The following PCDHA12 variants were observed in gnomAD, a reference collection of about 807,000 sequenced individuals.
PCDHA12 encodes the protein protocadherin alpha-12.
PCDHA12 carries 44 observed loss-of-function variants against 60.0 expected under a neutral mutation model. The ratio of observed to expected loss-of-function variants is 0.73; its 90% CI spans 0.58 to 0.94. PCDHA12 has a LOEUF of 0.94. PCDHA12 is among the 40% of genes least tolerant of loss of function. The probability of loss-of-function intolerance (pLI) is 0.00; values close to 1 mark genes in which losing one functional copy is unlikely to be tolerated. For missense variants in PCDHA12, 1,276 were observed against 1,239.7 expected (o/e 1.03, Z -0.44); for synonymous variants, 569 against 553.0 (o/e 1.03, Z -0.40).
intron 1 of PCDHA12, among the ~76,000 whole-genome samples, chr5:140,921,954 C>A (rs970694644): frequency 2.0e-5 from 3 of 151,586 alleles, no homozygotes; most frequent in African/African-American, 7.3e-5. Context: ...TGTAAAATCC[C>A]AGAAAACCAA....
intron 1 of PCDHA12, among the ~76,000 whole-genome samples, chr5:140,907,439 A>G (rs1217956706): frequency 6.6e-6 from 1 of 152,250 alleles, no homozygotes; most frequent in Admixed American, 6.5e-5. Context: ...CTGTGAGTCC[A>G]CAGATGGTAA....
At chr5:140,949,825 C>G (rs1321892793) in intron 1 of PCDHA12, among the ~76,000 whole-genome samples, 2 of 151,748 alleles carry the variant, frequency 1.3e-5, no homozygotes, top group African/African-American at 4.8e-5. Flanking sequence ...TATTTGTCCC[C>G]TCTGATTTTG....
In PCDHA12 at chr5:140,875,953, G is replaced by T. The variant is rs782793293; in HGVS notation, c.481G>T (p.Asp161Tyr). The T allele has an allele frequency of 6.2e-7, 1 of 1,614,066 alleles. No homozygotes were observed. Among genetic ancestry groups the T allele is most frequent in the African/African-American group, 1.3e-5 (1 of 74,942 alleles). Residue 161 changes from aspartate to tyrosine, a missense_variant, in exon 1 of 4, where the codon GAT (aspartate) becomes TAT (tyrosine). Coordinates refer to ENST00000398631, the MANE Select transcript of PCDHA12 (RefSeq NM_018903.4). Reference protein sequence around the residue: ...HFPLEGASDADIGVNSLLTYA... With the variant: ...HFPLEGASDAYIGVNSLLTYA... ...TCCTCTAGAGGGCGCTTCTGATGCG[G>T]ATATCGGCGTAAACTCTCTTTTGAC...
rs1554168978 is a variant in PCDHA12, at chr5:140,876,827, C to T, written c.1355C>T (p.Ala452Val). 6.2e-7 allele frequency: 1 copy of T among 1,614,182 alleles called. No individual in the cohort carries two copies. The highest frequency in any genetic ancestry group is 1.7e-5 in the Admixed American group (1 of 60,032). Residue 452 changes from alanine (A) to valine (V), a missense_variant, in exon 1 of 4, where the codon GCG becomes GTG. Transcript: ENST00000398631. ...GAGGTGGCCGACGTGAACGACAATG[C>T]GCCTGCGTTCGCGCAGCCCGAGTAC... The part of the protein sequence containing the change: ...SVEVADVNDN[A>V]PAFAQPEYTV...
In PCDHA12 at chr5:140,876,928, A is replaced by C; in HGVS notation, c.1456A>C (p.Lys486Gln). 6.2e-7 allele frequency: 1 copy of C among 1,613,812 alleles called. No homozygotes were observed. Among genetic ancestry groups the C allele is most frequent in the Non-Finnish European group, 8.5e-7 (1 of 1,179,898 alleles). Residue 486 changes from lysine to glutamine, a missense_variant, in exon 1 of 4, where the codon AAG becomes CAG. Coordinates refer to ENST00000398631, the MANE Select transcript of PCDHA12 (RefSeq NM_018903.4). ...GTCGGCATGGGACGCGGACGCGCAGAAGAACGCGCTGGTGTCCTACTCGCT... is the reference window on the plus strand; with the variant it reads ...GTCGGCATGGGACGCGGACGCGCAGCAGAACGCGCTGGTGTCCTACTCGCT... ...TVSAWDADAQKNALVSYSLVE... is the reference protein window; with the variant it reads ...TVSAWDADAQQNALVSYSLVE...
chr5:140,881,724 A>C (rs1165848100), intron 1 of PCDHA12, among the ~76,000 whole-genome samples: 1 of 152,194 alleles, frequency 6.6e-6, no homozygotes, highest in Admixed American at 6.5e-5. Flanking sequence ...GAGGTCTTGA[A>C]AAATATTACA....
intron 1 of PCDHA12, chr5:140,926,754 C>T: frequency 1.6e-6 from 2 of 1,283,492 alleles, no homozygotes; most frequent in Non-Finnish European, 2.0e-6. Flanking sequence ...TCGGCGGTCG[C>T]TGAGTATCCA....
At chr5:140,945,440 T>C (rs932464631) in intron 1 of PCDHA12, among the ~76,000 whole-genome samples, 1 of 151,948 alleles carries the variant, frequency 6.6e-6, no homozygotes, top group African/African-American at 2.4e-5. Context: ...TACAGAAATA[T>C]AAAAAACTTC....
In PCDHA12 at chr5:140,895,583, A is replaced by C. The variant is rs545210218; in HGVS notation, c.2367+17744A>C. On this transcript the variant is annotated intron_variant, in intron 1 of 3. Coordinates refer to ENST00000398631, the MANE Select transcript of PCDHA12 (RefSeq NM_018903.4). ...ATATTCTAGATGCAATTACTTTATT[A>C]GATATATAATTTGCAAAGATTTTCT... Among the ~76,000 whole-genome samples, 15 of 152,292 alleles carry C rather than the reference A, an allele frequency of 9.8e-5. No individual in the cohort carries two copies. In the South Asian group the frequency reaches 3.1e-3, roughly 32 times the overall value.
chr5:140,885,998 A>G (rs2060805032), intron 1 of PCDHA12, among the ~76,000 whole-genome samples: 1 of 152,190 alleles, frequency 6.6e-6, no homozygotes, highest in Non-Finnish European at 1.5e-5. Context: ...GTTGAAAGAA[A>G]TAGTAAAGGG....
At chr5:140,884,410 G>A (rs1562804321) in intron 1 of PCDHA12, 1 of 1,614,004 alleles carries the variant, frequency 6.2e-7, no homozygotes, top group Non-Finnish European at 8.5e-7. Context: ...TGGTGCTCAC[G>A]TTGCTGCTGT....
Position 140,883,261 on chromosome 5 carries a change from G to A in PCDHA12, c.2367+5422G>A, listed in dbSNP as rs148578758. The A allele has an allele frequency of 8.1e-5, 131 of 1,613,912 alleles. No individual in the cohort carries two copies. In the African/African-American group the frequency reaches 1.7e-3, roughly 21 times the overall value. On this transcript the variant is annotated intron_variant, in intron 1 of 3. Transcript: ENST00000398631. Reference sequence around the variant, plus strand: ...TTGACAAAGGAAATATTCCAATGGCGGGTCATTGTACCCTTTTGGTGGAAG... The same window carrying A: ...TTGACAAAGGAAATATTCCAATGGCAGGTCATTGTACCCTTTTGGTGGAAG...
chr5:140,917,323 G>C (rs1363512198), intron 1 of PCDHA12, among the ~76,000 whole-genome samples: 1 of 147,758 alleles, frequency 6.8e-6, no homozygotes, highest in African/African-American at 2.5e-5. Context: ...TGTTCATGTG[G>C]CGGGGGAGGG....
At chr5:140,931,982 T>G (rs1486789443) in intron 1 of PCDHA12, among the ~76,000 whole-genome samples, 1 of 151,968 alleles carries the variant, frequency 6.6e-6, no homozygotes, top group Non-Finnish European at 1.5e-5. Context: ...GTTTATATTT[T>G]GCTCAAATTC....
intron 1 of PCDHA12, among the ~76,000 whole-genome samples, chr5:140,900,275 C>T (rs1260418745): frequency 9.2e-5 from 14 of 151,438 alleles, no homozygotes; most frequent in African/African-American, 2.9e-4. Context: ...GTATATGTAC[C>T]ACACTTTCTT....
intron 1 of PCDHA12, among the ~76,000 whole-genome samples, chr5:140,959,469 A>G (rs1180811354): frequency 5.3e-5 from 8 of 152,226 alleles, no homozygotes; most frequent in East Asian, 1.9e-4. Context: ...GTTGGCATCA[A>G]TCAAGGCATA....
At chr5:140,953,540 T>C (rs1217393469) in intron 1 of PCDHA12, among the ~76,000 whole-genome samples, 1 of 152,174 alleles carries the variant, frequency 6.6e-6, no homozygotes, top group Non-Finnish European at 1.5e-5. Flanking sequence ...CACTTCATGC[T>C]GATTCTTTTC....
chr5:140,935,835 A>G (rs1405712064), intron 1 of PCDHA12, among the ~76,000 whole-genome samples: 3 of 151,830 alleles, frequency 2.0e-5, no homozygotes, highest in Admixed American at 6.6e-5. Flanking sequence ...CACATATTCC[A>G]TACTGCTTAA....
chr5:140,944,182 G>GTTTGT (rs750577669), intron 1 of PCDHA12, among the ~76,000 whole-genome samples: 5 of 152,052 alleles, frequency 3.3e-5, no homozygotes, highest in East Asian at 1.9e-4. Flanking sequence ...TTTTTTGTTG[G>GTTTGT]TTTGTTTTGT....
Sources: gnomAD v4.1 joint callset for allele counts (sites outside exome capture counted in the v4.1 genomes callset) on GRCh38, gnomAD v4.1.1 for gene constraint, MANE v1.5 for transcripts, NCBI Gene and HGNC (gene_info 2026-07-23, HGNC 2026-07-21) for gene names.